TRIO: variants seen among roughly 807,000 people sequenced by gnomAD.
TRIO encodes the protein triple functional domain protein.
In TRIO, 58 loss-of-function variants were observed where a neutral mutation model predicts 351.9. The ratio of observed to expected loss-of-function variants is 0.16; its 90% CI spans 0.13 to 0.21. TRIO has a LOEUF of 0.21. TRIO is among the 10% of genes least tolerant of loss of function. The pLI is 1.00. For synonymous variants in TRIO, 1,758 were observed against 1,595.7 expected (o/e 1.10, Z -2.42); for missense variants, 3,201 against 4,027.8 (o/e 0.79, Z 5.56).
intron 34 of TRIO, chr5:14,441,457 CAG>C (rs937745338): frequency 6.5e-6 from 1 of 154,004 alleles, no homozygotes; most frequent in Non-Finnish European, 1.5e-5. Flanking sequence ...TGCTTTAAAA[CAG>C]AAATGTTTTG....
At chr5:14,224,407 A>T (rs908231118) in intron 1 of TRIO, among the ~76,000 whole-genome samples, 5 of 152,146 alleles carry the variant, frequency 3.3e-5, no homozygotes, top group African/African-American at 4.8e-5. Flanking sequence ...GAGAAGATGT[A>T]GTTAAGTCTG....
chr5:14,218,339 A>G (rs890774254), intron 1 of TRIO, among the ~76,000 whole-genome samples: 1 of 152,198 alleles, frequency 6.6e-6, no homozygotes, highest in African/African-American at 2.4e-5. Context: ...TTTACTATGG[A>G]ATCATAATAA....
intron 1 of TRIO, among the ~76,000 whole-genome samples, chr5:14,201,389 G>C (rs1040640004): frequency 3.9e-5 from 6 of 152,084 alleles, no homozygotes; most frequent in African/African-American, 1.4e-4. Flanking sequence ...CTTGGTTATA[G>C]CAGCTTTTTA....
At chr5:14,377,082 T>A (rs546926707) in intron 19 of TRIO, among the ~76,000 whole-genome samples, 1 of 152,178 alleles carries the variant, frequency 6.6e-6, no homozygotes, top group Non-Finnish European at 1.5e-5. Context: ...TGCTTAAAAA[T>A]TTTTTGTCTG....
intron 31 of TRIO, among the ~76,000 whole-genome samples, chr5:14,404,346 C>T (rs1304565706): frequency 2.6e-5 from 4 of 152,046 alleles, no homozygotes; most frequent in Admixed American, 1.3e-4. Flanking sequence ...GTATTTAGTA[C>T]TTTACCTCAG....
At chr5:14,328,464 G>A (rs143493248) in intron 9 of TRIO, among the ~76,000 whole-genome samples, 1 of 151,896 alleles carries the variant, frequency 6.6e-6, no homozygotes. Context: ...TGCTCAATAC[G>A]TGAGTTAAAA....
intron 29 of TRIO, among the ~76,000 whole-genome samples, chr5:14,397,590 G>A (rs1302448772): frequency 5.9e-5 from 9 of 152,168 alleles, no homozygotes; most frequent in Non-Finnish European, 1.3e-4. Context: ...GTGTAACATG[G>A]TAAAGAGAAA....
At chr5:14,367,944 G>A (rs1475598886) in intron 16 of TRIO, among the ~76,000 whole-genome samples, 1 of 152,142 alleles carries the variant, frequency 6.6e-6, no homozygotes, top group East Asian at 1.9e-4. Context: ...ATTGTATATA[G>A]TGTTTTATGG....
intron 27 of TRIO, among the ~76,000 whole-genome samples, chr5:14,392,826 C>T (rs963548375): frequency 2.0e-5 from 3 of 152,172 alleles, no homozygotes; most frequent in Non-Finnish European, 4.4e-5. Context: ...GCAGGTGGAT[C>T]ATGAGGTCAG....
At chr5:14,361,358 C>G (rs1744135847) in intron 13 of TRIO, among the ~76,000 whole-genome samples, 1 of 152,172 alleles carries the variant, frequency 6.6e-6, no homozygotes, top group Non-Finnish European at 1.5e-5. Flanking sequence ...CTAGTTAGAG[C>G]CAGTGTGCCA....
intron 1 of TRIO, among the ~76,000 whole-genome samples, chr5:14,182,993 C>T (rs1475620206): frequency 1.3e-5 from 2 of 152,138 alleles, no homozygotes; most frequent in African/African-American, 4.8e-5. Flanking sequence ...CTGAGCTGGG[C>T]CAGGGCCCCA....
At chr5:14,409,701 G>T (rs748566619) in intron 33 of TRIO, among the ~76,000 whole-genome samples, 3 of 152,054 alleles carry the variant, frequency 2.0e-5, no homozygotes, top group Non-Finnish European at 4.4e-5. Context: ...GAGCGTGGTG[G>T]TGGGTGCCTG....
chr5:14,268,474 C>T (rs374678823), intron 1 of TRIO, among the ~76,000 whole-genome samples: 7 of 152,296 alleles, frequency 4.6e-5, no homozygotes, highest in African/African-American at 1.4e-4. Flanking sequence ...GGCTCTGTCT[C>T]TCTAGTGTCG....
intron 9 of TRIO, among the ~76,000 whole-genome samples, chr5:14,329,957 C>T (rs116228393): frequency 1.8e-3 from 274 of 152,296 alleles, no homozygotes; most frequent in African/African-American, 6.1e-3. Flanking sequence ...GGATGCGGAA[C>T]CCTTCTGTAC....
intron 11 of TRIO, among the ~76,000 whole-genome samples, chr5:14,353,167 CTTA>C (rs1448635767): frequency 6.6e-6 from 1 of 151,298 alleles, no homozygotes; most frequent in African/African-American, 2.4e-5. Context: ...TGTGATCTTT[CTTA>C]TTATTAGAAG....
At chr5:14,494,696 C>T (rs1188618552) in intron 49 of TRIO, among the ~76,000 whole-genome samples, 2 of 152,054 alleles carry the variant, frequency 1.3e-5, no homozygotes, top group East Asian at 1.9e-4. Flanking sequence ...GTCAGGAGTT[C>T]GAGACCAGCC....
chr5:14,220,607 A>T (rs1298132098), intron 1 of TRIO, among the ~76,000 whole-genome samples: 1 of 152,250 alleles, frequency 6.6e-6, no homozygotes, highest in Non-Finnish European at 1.5e-5. Context: ...ACTCCAGTGA[A>T]CACACAAATG....
rs1210683210 is a variant in TRIO, at chr5:14,207,319, CACACACACACACA to C, written c.157+63438_157+63450del. On this transcript the variant is annotated intron_variant, in intron 1 of 56. Coordinates refer to ENST00000344204, the MANE Select transcript of TRIO (RefSeq NM_007118.4). ...CAGGTAGCATAGCAAGACTGTCTCTCACACACACACACACACACACACACACACACACACACAC... is the reference window on the plus strand; with the variant it reads ...CAGGTAGCATAGCAAGACTGTCTCTCCACACACACACACACACACACACAC... 1.1e-3 allele frequency among the ~76,000 whole-genome samples: 18 copies of C among 15,696 alleles called. 4 individuals are homozygous for C. Among genetic ancestry groups the C allele is most frequent in the African/African-American group, 3.3e-3 (18 of 5,454 alleles). 10.3% of individuals were successfully genotyped at this position (15,696 alleles called of 152,430 possible).
At chr5:14,242,391 A>G (rs1417531964) in intron 1 of TRIO, among the ~76,000 whole-genome samples, 5 of 152,258 alleles carry the variant, frequency 3.3e-5, no homozygotes, top group Non-Finnish European at 7.3e-5. Flanking sequence ...AAAGATACCA[A>G]TCTTATACAA....
Sources: gnomAD v4.1 joint callset for allele counts (sites outside exome capture counted in the v4.1 genomes callset) on GRCh38, gnomAD v4.1.1 for gene constraint, MANE v1.5 for transcripts, NCBI Gene and HGNC (gene_info 2026-07-23, HGNC 2026-07-21) for gene names.